Variants in PCDH9 observed in about 807,000 individuals in gnomAD.
PCDH9 encodes the protein protocadherin 9, also known as protocadherin-9.
A neutral mutation model predicts 70.6 loss-of-function variants in PCDH9; 24 were observed. The ratio of observed to expected loss-of-function variants is 0.34; its 90% confidence interval spans 0.25 to 0.48. PCDH9 has a LOEUF of 0.48. Ranked by LOEUF, PCDH9 falls within the 20% of genes least tolerant of loss-of-function variation. The pLI is 0.99. For missense variants in PCDH9, 1,281 were observed against 1,503.6 expected (o/e 0.85, Z 2.45); for synonymous variants, 562 against 558.5 (o/e 1.01, Z -0.09).
At chr13:66,771,608 A>G (rs1312286305) in intron 3 of PCDH9, among the ~76,000 whole-genome samples, 2 of 152,248 alleles carry the variant, frequency 1.3e-5, no homozygotes, top group Admixed American at 1.3e-4. Context: ...AGAAACTGGC[A>G]GATAATAAAT....
intron 4 of PCDH9, among the ~76,000 whole-genome samples, chr13:66,558,073 T>A (rs1378821981): frequency 6.6e-6 from 1 of 152,138 alleles, no homozygotes; most frequent in Non-Finnish European, 1.5e-5. Flanking sequence ...AAGGATTGCT[T>A]GTGCCCAGGA....
chr13:66,606,449 TA>T (rs1260191031), intron 4 of PCDH9, among the ~76,000 whole-genome samples: 5 of 151,988 alleles, frequency 3.3e-5, no homozygotes, highest in Non-Finnish European at 2.9e-5. Context: ...ATGAAGGGAA[TA>T]GTACCGAGAT....
intron 4 of PCDH9, among the ~76,000 whole-genome samples, chr13:66,576,085 G>T (rs985483092): frequency 6.9e-6 from 1 of 145,942 alleles, no homozygotes; most frequent in Non-Finnish European, 1.5e-5. Context: ...AAAAAAAAAG[G>T]AAAGGCAAAA....
At chr13:67,174,255 A>AGATAGATAGATAGAT (rs2088378362) in intron 2 of PCDH9, among the ~76,000 whole-genome samples, 1 of 151,748 alleles carries the variant, frequency 6.6e-6, no homozygotes, top group South Asian at 2.1e-4. Flanking sequence ...GGCAGACTAT[A>AGATAGATAGATAGAT]GATAGATAGA....
intron 2 of PCDH9, chr13:67,220,053 G>A (rs2089689961): frequency 6.6e-6 from 1 of 151,692 alleles, no homozygotes; most frequent in South Asian, 2.1e-4. Flanking sequence ...ACTTGGCCCT[G>A]AAACCCTGTA....
intron 2 of PCDH9, among the ~76,000 whole-genome samples, chr13:66,915,547 A>T (rs2139631174): frequency 6.6e-6 from 1 of 151,878 alleles, no homozygotes; most frequent in South Asian, 2.1e-4. Flanking sequence ...TTATATCATT[A>T]TGGCAAGATG....
chr13:66,922,101 C>A (rs1263831884), intron 2 of PCDH9, among the ~76,000 whole-genome samples: 1 of 151,232 alleles, frequency 6.6e-6, no homozygotes, highest in Non-Finnish European at 1.5e-5. Context: ...CAGATTATGT[C>A]TTCAATTTAT....
At chr13:66,932,695 C>T (rs1055654749) in intron 2 of PCDH9, among the ~76,000 whole-genome samples, 5 of 113,108 alleles carry the variant, frequency 4.4e-5, no homozygotes, top group East Asian at 5.2e-4. Context: ...CACACACACA[C>T]GTATGTATAT....
chr13:67,124,697 T>G (rs1361250834), intron 2 of PCDH9, among the ~76,000 whole-genome samples: 1 of 152,222 alleles, frequency 6.6e-6, no homozygotes, highest in Non-Finnish European at 1.5e-5. Flanking sequence ...ATTGTTGATG[T>G]AGATCATTGA....
intron 3 of PCDH9, among the ~76,000 whole-genome samples, chr13:66,733,942 G>A (rs995421998): frequency 4.6e-5 from 7 of 152,080 alleles, no homozygotes; most frequent in African/African-American, 7.2e-5. Context: ...GCTTTGCCCC[G>A]GAGAGGTCTG....
intron 4 of PCDH9, among the ~76,000 whole-genome samples, chr13:66,363,763 A>C (rs1317490304): frequency 6.6e-6 from 1 of 152,202 alleles, no homozygotes; most frequent in South Asian, 2.1e-4. Flanking sequence ...CAATTCATGC[A>C]TAATGCATTC....
intron 4 of PCDH9, among the ~76,000 whole-genome samples, chr13:66,358,346 A>G (rs1956418073): frequency 6.6e-6 from 1 of 151,948 alleles, no homozygotes; most frequent in Non-Finnish European, 1.5e-5. Context: ...TGAACTACTT[A>G]ATGTCTTAGA....
At chr13:66,457,901 C>A (rs1958351491) in intron 4 of PCDH9, among the ~76,000 whole-genome samples, 2 of 151,906 alleles carry the variant, frequency 1.3e-5, no homozygotes, top group South Asian at 4.1e-4. Flanking sequence ...ACAACCTACT[C>A]CAATCCCTTA....
intron 4 of PCDH9, among the ~76,000 whole-genome samples, chr13:66,405,744 G>T (rs1037616932): frequency 6.6e-6 from 1 of 152,126 alleles, no homozygotes. Flanking sequence ...GTTATCATCA[G>T]TATTTTCCAA....
intron 4 of PCDH9, among the ~76,000 whole-genome samples, chr13:66,630,147 G>A (rs1316345711): frequency 6.6e-6 from 1 of 152,048 alleles, no homozygotes; most frequent in African/African-American, 2.4e-5. Context: ...AAACAAACAA[G>A]CAAAAATATT....
chr13:66,725,942 G>A (rs748304496), intron 3 of PCDH9, among the ~76,000 whole-genome samples: 1 of 152,064 alleles, frequency 6.6e-6, no homozygotes, highest in Admixed American at 6.6e-5. Context: ...GGTTGGTGTT[G>A]GTTTAAAATA....
intron 3 of PCDH9, among the ~76,000 whole-genome samples, chr13:66,755,931 C>T (rs1009501166): frequency 6.6e-6 from 1 of 152,168 alleles, no homozygotes; most frequent in Non-Finnish European, 1.5e-5. Context: ...GAGTGGCTTT[C>T]TGTGCATTTC....
chr13:66,394,970 C>T (rs1342564046), intron 4 of PCDH9, among the ~76,000 whole-genome samples: 1 of 152,138 alleles, frequency 6.6e-6, no homozygotes, highest in Non-Finnish European at 1.5e-5. Context: ...TTCTGCTGGT[C>T]TCTCAAGAGA....
At chr13:67,028,084 A>G (rs948525162) in intron 2 of PCDH9, among the ~76,000 whole-genome samples, 11 of 151,080 alleles carry the variant, frequency 7.3e-5, no homozygotes, top group Non-Finnish European at 1.5e-4. Flanking sequence ...TACCCAAATG[A>G]CTATAAATCA....
Sources: allele counts gnomAD v4.1 joint callset (sites outside exome capture counted in the v4.1 genomes callset), GRCh38; gene constraint gnomAD v4.1.1; transcripts MANE v1.5; gene names NCBI Gene and HGNC (gene_info 2026-07-23, HGNC 2026-07-21).